Variants in DLG2 observed in about 807,000 individuals in gnomAD.
DLG2 encodes the protein disks large homolog 2.
A neutral mutation model predicts 132.5 loss-of-function variants in DLG2; 45 were observed. The ratio of observed to expected loss-of-function variants is 0.34; its 90% confidence interval spans 0.27 to 0.44. DLG2 has a LOEUF of 0.44. Ranked by LOEUF, DLG2 falls within the 20% of genes least tolerant of loss-of-function variation. The pLI is 1.00. For synonymous variants in DLG2, 424 were observed against 419.6 expected (o/e 1.01, Z -0.13); for missense variants, 1,045 against 1,196.9 (o/e 0.87, Z 1.87).
intron 17 of DLG2, among the ~76,000 whole-genome samples, chr11:83,811,106 T>C (rs2047149464): frequency 6.6e-6 from 1 of 150,688 alleles, no homozygotes; most frequent in South Asian, 2.1e-4. Flanking sequence ...TTTGACTCTG[T>C]ACATCTATTA....
chr11:85,438,206 G>T (rs1462926987), intron 3 of DLG2, among the ~76,000 whole-genome samples: 1 of 152,100 alleles, frequency 6.6e-6, no homozygotes, highest in Non-Finnish European at 1.5e-5. Flanking sequence ...CCTAAGGATG[G>T]CATCAAACTG....
At chr11:84,367,051 C>T (rs1297592569) in intron 7 of DLG2, among the ~76,000 whole-genome samples, 1 of 152,008 alleles carries the variant, frequency 6.6e-6, no homozygotes, top group Admixed American at 6.6e-5. Flanking sequence ...CAAAATTGAC[C>T]ACATAGTTGG....
In DLG2 at chr11:85,603,847, T is replaced by A. The variant is rs570751038; in HGVS notation, c.-92-5059A>T. ...TGGGAGGATCATTTAAGCCCAGGAG[T>A]TCGAGGCTTCAGTGGGCCACCATCC... is the stretch of plus-strand genomic sequence containing the variant. On this transcript the variant is annotated intron_variant, in intron 2 of 27. Coordinates refer to ENST00000376104, the MANE Select transcript of DLG2 (RefSeq NM_001142699.3). Among the ~76,000 whole-genome samples the A allele has an allele frequency of 2.2e-4, 33 of 151,924 alleles. No individual in the cohort carries two copies. The South Asian group carries it at 6.7e-3, about 31-fold the overall frequency.
chr11:84,961,824 G>A (rs144713914), intron 6 of DLG2, among the ~76,000 whole-genome samples: 115 of 152,280 alleles, frequency 7.6e-4, no homozygotes, highest in African/African-American at 2.6e-3. Context: ...TAAAAGGTCT[G>A]TAGCTGAAAC....
At chr11:85,088,641 G>A (rs2068302143) in intron 6 of DLG2, among the ~76,000 whole-genome samples, 1 of 152,142 alleles carries the variant, frequency 6.6e-6, no homozygotes, top group Admixed American at 6.5e-5. Flanking sequence ...AGCTACTTCT[G>A]TATTTTATTA....
chr11:84,669,837 G>T (rs926758050), intron 6 of DLG2, among the ~76,000 whole-genome samples: 1 of 152,100 alleles, frequency 6.6e-6, no homozygotes, highest in East Asian at 1.9e-4. Flanking sequence ...CCTTTCCTTT[G>T]CATGCTGGCA....
At chr11:85,024,137 G>A (rs2060314554) in intron 6 of DLG2, among the ~76,000 whole-genome samples, 1 of 151,952 alleles carries the variant, frequency 6.6e-6, no homozygotes, top group Admixed American at 6.6e-5. Flanking sequence ...TTAATTTCAG[G>A]GGGTTGATGG....
At chr11:85,481,339 A>G (rs916258492) in intron 3 of DLG2, among the ~76,000 whole-genome samples, 6 of 152,180 alleles carry the variant, frequency 3.9e-5, no homozygotes, top group Non-Finnish European at 8.8e-5. Flanking sequence ...CAGAAACATC[A>G]ATTTGAACAA....
At position 85,613,938 on chromosome 11, in the gene DLG2, G is replaced by C. The variant is rs148144285; in HGVS notation, c.-93+12649C>G. ...GTCAGCAAGACCACAAACCCACCAGGAGGAATGAACAACTCTGGACATGCC... is the reference window on the plus strand; with the variant it reads ...GTCAGCAAGACCACAAACCCACCAGCAGGAATGAACAACTCTGGACATGCC... On this transcript the variant is annotated intron_variant, in intron 2 of 27. Coordinates refer to ENST00000376104, the MANE Select transcript of DLG2 (RefSeq NM_001142699.3). 4.9e-3 allele frequency among the ~76,000 whole-genome samples: 745 copies of C among 152,200 alleles called. 6 individuals carry two copies. The highest frequency in any genetic ancestry group is 0.017 in the African/African-American group (705 of 41,514).
At chr11:84,571,152 T>A (rs1420626118) in intron 6 of DLG2, among the ~76,000 whole-genome samples, 2 of 151,982 alleles carry the variant, frequency 1.3e-5, no homozygotes, top group African/African-American at 2.4e-5. Flanking sequence ...AAATACAGAG[T>A]TTAAGCTAAG....
intron 2 of DLG2, among the ~76,000 whole-genome samples, chr11:85,622,607 T>A (rs1169622241): frequency 6.9e-6 from 1 of 145,712 alleles, no homozygotes; most frequent in African/African-American, 2.5e-5. Flanking sequence ...AGGAGAGTCA[T>A]AAGGTCCTCT....
intron 6 of DLG2, among the ~76,000 whole-genome samples, chr11:84,861,640 C>CAAAAA (rs1248486704): frequency 2.6e-5 from 2 of 75,652 alleles, no homozygotes; most frequent in Non-Finnish European, 4.7e-5. Context: ...AAAAAAAAAA[C>CAAAAA]AAAAAAAAAA....
At chr11:84,691,448 G>C (rs977752194) in intron 6 of DLG2, among the ~76,000 whole-genome samples, 5 of 151,434 alleles carry the variant, frequency 3.3e-5, no homozygotes, top group African/African-American at 1.2e-4. Context: ...AAAATCAGTA[G>C]AAAAAAATTT....
intron 3 of DLG2, among the ~76,000 whole-genome samples, chr11:85,354,710 G>C (rs2083556492): frequency 6.6e-6 from 1 of 151,730 alleles, no homozygotes; most frequent in Non-Finnish European, 1.5e-5. Context: ...ACATTTGACT[G>C]ATTTCCAACG....
At chr11:84,904,199 G>A (rs1012008883) in intron 6 of DLG2, among the ~76,000 whole-genome samples, 1 of 152,076 alleles carries the variant, frequency 6.6e-6, no homozygotes, top group African/African-American at 2.4e-5. Context: ...GTCTTAAAAT[G>A]TCACACCATT....
At position 84,252,136 on chromosome 11, in the gene DLG2, CTTTCT is replaced by C. The variant is rs1298345752; in HGVS notation, c.520-850_520-846del. 6.9e-5 allele frequency among the ~76,000 whole-genome samples: 7 copies of C among 101,062 alleles called. No individual in the cohort carries two copies. In the East Asian group the frequency reaches 1.2e-3, roughly 17 times the overall value. 66.3% of individuals were successfully genotyped at this position (101,062 alleles called of 152,430 possible). A position where few individuals can be genotyped will look rare whatever the true frequency, so the allele number is the denominator to read the frequency against. Reference sequence around the variant, plus strand: ...GCGTGCTGTATCCTGTATTTTCTTTCTTTCTTTTTTTTTTTTTTTTTTTTTTTTTT... The same window carrying C: ...GCGTGCTGTATCCTGTATTTTCTTTCTTTTTTTTTTTTTTTTTTTTTTTTT... On this transcript the variant is annotated intron_variant, in intron 7 of 27. Transcript: ENST00000376104.
chr11:83,982,042 T>C (rs1208960973), intron 11 of DLG2, among the ~76,000 whole-genome samples: 2 of 152,188 alleles, frequency 1.3e-5, no homozygotes, highest in Non-Finnish European at 2.9e-5. Context: ...GCATAATGAT[T>C]ACTAAGGTGT....
intron 17 of DLG2, chr11:83,790,196 G>A (rs1333278871): frequency 2.3e-6 from 2 of 869,968 alleles, no homozygotes; most frequent in African/African-American, 1.7e-5. Context: ...GTCCCTGACT[G>A]AATGCTCAAT....
At chr11:83,769,577 T>C (rs1257546682) in intron 18 of DLG2, among the ~76,000 whole-genome samples, 1 of 151,050 alleles carries the variant, frequency 6.6e-6, no homozygotes. Context: ...TTTTTTTTTT[T>C]TTTGAGATGG....
Sources: gnomAD v4.1 joint callset for allele counts (sites outside exome capture counted in the v4.1 genomes callset) on GRCh38, gnomAD v4.1.1 for gene constraint, MANE v1.5 for transcripts, NCBI Gene and HGNC (gene_info 2026-07-23, HGNC 2026-07-21) for gene names.